Variants in AUH observed in about 807,000 individuals in gnomAD.
AUH encodes AU RNA binding methylglutaconyl-CoA hydratase.
A neutral mutation model predicts 42.3 loss-of-function variants in AUH; 29 were observed. That is an observed-to-expected ratio of 0.69 (90% confidence interval 0.51 to 0.93). The LOEUF is 0.93. Ranked by LOEUF, AUH falls within the 40% of genes least tolerant of loss-of-function variation. The probability of loss-of-function intolerance (pLI) is 0.00; values close to 1 mark genes in which losing one functional copy is unlikely to be tolerated. For synonymous variants in AUH, 174 were observed against 166.4 expected (o/e 1.05, Z -0.35); for missense variants, 452 against 438.1 (o/e 1.03, Z -0.28).
intron 6 of AUH, among the ~76,000 whole-genome samples, chr9:91,238,266 G>A (rs1253011009): frequency 6.6e-6 from 1 of 152,104 alleles, no homozygotes; most frequent in Admixed American, 6.5e-5. Context: ...TTATCTCATG[G>A]TCCAAAAAGG....
chr9:91,292,625 G>C (rs1280472095), intron 6 of AUH, among the ~76,000 whole-genome samples: 1 of 151,962 alleles, frequency 6.6e-6, no homozygotes. Flanking sequence ...GCATGAAGCT[G>C]TTGGTGAGGA....
At chr9:91,339,529 A>G (rs1830946136) in intron 3 of AUH, among the ~76,000 whole-genome samples, 1 of 152,232 alleles carries the variant, frequency 6.6e-6, no homozygotes, top group African/African-American at 2.4e-5. Context: ...ATATAAACTC[A>G]TGGTTTTCAA....
At position 91,311,600 on chromosome 9, in the gene AUH, GT is replaced by G. The variant is rs1463529068; in HGVS notation, c.506-13525del. Among the ~76,000 whole-genome samples the G allele has an allele frequency of 4.6e-5, 7 of 152,286 alleles. No individual in the cohort carries two copies. The East Asian group carries it at 1.3e-3, about 29-fold the overall frequency. ...TTTCCACTTAGAGAATTCTAAAAAT[GT>G]TTTCTATCTCATCTTGAAATATCAT... On this transcript the variant is annotated intron_variant, in intron 4 of 9. Transcript: ENST00000375731.
At chr9:91,323,144 G>A (rs1335782888) in intron 4 of AUH, among the ~76,000 whole-genome samples, 1 of 152,134 alleles carries the variant, frequency 6.6e-6, no homozygotes, top group Non-Finnish European at 1.5e-5. Context: ...AATACTCTAT[G>A]AGGGCCTGAA....
chr9:91,234,085 G>A (rs1323681140), intron 6 of AUH, among the ~76,000 whole-genome samples: 3 of 152,194 alleles, frequency 2.0e-5, no homozygotes, highest in African/African-American at 7.2e-5. Flanking sequence ...TGTTGGCCAT[G>A]TTTTGGCTGC....
chr9:91,283,948 T>A (rs1826187723), intron 6 of AUH, among the ~76,000 whole-genome samples: 1 of 151,716 alleles, frequency 6.6e-6, no homozygotes, highest in East Asian at 1.9e-4. Flanking sequence ...CTCCACAGAA[T>A]TAGAAAAAAC....
chr9:91,287,701 C>T (rs1217147831), intron 6 of AUH, among the ~76,000 whole-genome samples: 1 of 151,760 alleles, frequency 6.6e-6, no homozygotes, highest in Non-Finnish European at 1.5e-5. Context: ...ACAGATTTAA[C>T]CAAATGAAAA....
chr9:91,236,568 T>C (rs1458093128), intron 6 of AUH, among the ~76,000 whole-genome samples: 2 of 152,016 alleles, frequency 1.3e-5, no homozygotes, highest in Non-Finnish European at 2.9e-5. Context: ...CCTGAGGACT[T>C]AGTGAGGTCT....
intron 6 of AUH, among the ~76,000 whole-genome samples, chr9:91,240,160 A>C (rs1028581215): frequency 9.2e-5 from 14 of 152,206 alleles, no homozygotes; most frequent in Non-Finnish European, 1.9e-4. Context: ...TTTAAAAAAA[A>C]TTTTGAAGAT....
At chr9:91,314,223 G>A (rs899477419) in intron 4 of AUH, among the ~76,000 whole-genome samples, 1 of 151,974 alleles carries the variant, frequency 6.6e-6, no homozygotes, top group Non-Finnish European at 1.5e-5. Flanking sequence ...AAAAGTAGGG[G>A]GCCAGGAACA....
chr9:91,352,875 G>T (rs1219551200), intron 3 of AUH, among the ~76,000 whole-genome samples: 3 of 152,146 alleles, frequency 2.0e-5, no homozygotes, highest in Non-Finnish European at 2.9e-5. Flanking sequence ...GATTCTCAAA[G>T]AATAAGAGGA....
In AUH at chr9:91,297,998, T is replaced by G. The variant is rs1827482942; in HGVS notation, c.584A>C (p.Asp195Ala). The change falls in exon 5 of 10, where the codon GAT becomes GCT. Residue 195 changes from aspartate (D) to alanine (A), a missense_variant. Coordinates refer to ENST00000375731, the MANE Select transcript of AUH (RefSeq NM_001698.3). ...GGGLELALAC[D>A]IRVAASSAKM... ...TTAATTCTTACCTGCTACTCGTATA[T>G]CACAGGCTAAAGCCAGTTCAAGACC... 6.2e-7 allele frequency: 1 copy of G among 1,609,634 alleles called. No homozygotes were observed.
chr9:91,361,615 G>T lies in AUH; in HGVS notation c.262+13C>A, dbSNP rs748213310. 1.3e-6 allele frequency: 2 copies of T among 1,575,164 alleles called. No individual in the cohort carries two copies. Among genetic ancestry groups the T allele is most frequent in the Non-Finnish European group, 1.7e-6 (2 of 1,161,360 alleles). ...GCCCGCTGCCCCGCGCCTGCCCAGC[G>T]TTCGCACCTCACCTCGGTTCTCCTC... On this transcript the variant is annotated intron_variant, in intron 1 of 9. Coordinates refer to ENST00000375731, the MANE Select transcript of AUH (RefSeq NM_001698.3).
intron 6 of AUH, among the ~76,000 whole-genome samples, chr9:91,257,523 G>A (rs758463013): frequency 8.5e-5 from 13 of 152,144 alleles, no homozygotes; most frequent in Non-Finnish European, 2.9e-5. Flanking sequence ...TCCTGGAGAG[G>A]ACTGCCACTC....
chr9:91,284,436 TGGC>T (rs769455955), intron 6 of AUH, among the ~76,000 whole-genome samples: 8 of 152,206 alleles, frequency 5.3e-5, no homozygotes, highest in Non-Finnish European at 1.0e-4. Context: ...CCAAAAGCAA[TGGC>T]GACAAAAGCC....
chr9:91,217,032 T>C (rs1309163485), intron 8 of AUH, among the ~76,000 whole-genome samples: 2 of 152,256 alleles, frequency 1.3e-5, no homozygotes, highest in African/African-American at 4.8e-5. Context: ...ATAATGAGCA[T>C]GTCATAAGCT....
At chr9:91,223,960 C>T (rs1827283445) in intron 6 of AUH, among the ~76,000 whole-genome samples, 1 of 152,310 alleles carries the variant, frequency 6.6e-6, no homozygotes, top group African/African-American at 2.4e-5. Flanking sequence ...CCAGATGACT[C>T]CTTGCCCCTC....
At chr9:91,301,565 T>G (rs1269786526) in intron 4 of AUH, among the ~76,000 whole-genome samples, 1 of 152,180 alleles carries the variant, frequency 6.6e-6, no homozygotes, top group African/African-American at 2.4e-5. Context: ...ATTTGAGAAA[T>G]TATGTTTCTA....
chr9:91,319,568 T>C (rs1445574663), intron 4 of AUH, among the ~76,000 whole-genome samples: 2 of 152,230 alleles, frequency 1.3e-5, no homozygotes, highest in Non-Finnish European at 2.9e-5. Flanking sequence ...GATCAGCAGC[T>C]TCCTGATAAG....
Sources: allele counts gnomAD v4.1 joint callset (sites outside exome capture counted in the v4.1 genomes callset), GRCh38; gene constraint gnomAD v4.1.1; transcripts MANE v1.5; gene names NCBI Gene and HGNC (gene_info 2026-07-23, HGNC 2026-07-21).